Variants in ARMH4 observed in about 807,000 individuals in gnomAD.
ARMH4 encodes armadillo like helical domain containing 4.
Under a neutral mutation model 61.9 loss-of-function variants are expected in ARMH4, and 49 were observed. That is an observed-to-expected ratio of 0.79 (90% CI 0.63 to 1.00). The LOEUF (loss-of-function observed/expected upper bound fraction) is 1.00, where lower values mean the gene tolerates loss of function less well. ARMH4 is among the 50% of genes least tolerant of loss of function. ARMH4 has a pLI of 0.00. For missense variants in ARMH4, 934 were observed against 930.0 expected, an observed-to-expected ratio of 1.00 and a Z score of -0.06; for synonymous variants, 368 against 341.5, an observed-to-expected ratio of 1.08 and a Z score of -0.85.
intron 4 of ARMH4, among the ~76,000 whole-genome samples, chr14:58,128,835 T>C (rs1886988587): frequency 6.6e-6 from 1 of 152,198 alleles, no homozygotes; most frequent in Non-Finnish European, 1.5e-5. Context: ...GTAGTACCAG[T>C]GAATGTGACC....
chr14:58,060,046 C>T lies in ARMH4; in HGVS notation c.2089+36678G>A, dbSNP rs117583129. On this transcript the variant is annotated intron_variant, in intron 5 of 7. Transcript: ENST00000267485. ...AAACACAAAACCACCCTAGAACCTG[C>T]AAAAAGGAGAAATGCTTTCATGTCT... 3.0e-3 allele frequency among the ~76,000 whole-genome samples: 460 copies of T among 152,216 alleles called. 2 individuals carry two copies. The highest frequency in any genetic ancestry group is 5.3e-3 in the Non-Finnish European group (363 of 67,994).
In ARMH4 at chr14:58,045,200, C is replaced by T. The variant is rs577161978; in HGVS notation, c.2090-33050G>A. 2.6e-5 allele frequency among the ~76,000 whole-genome samples: 4 copies of T among 152,244 alleles called. No homozygotes were observed. The South Asian group carries it at 8.3e-4, about 32-fold the overall frequency. On this transcript the variant is annotated intron_variant, in intron 5 of 7. Coordinates refer to ENST00000267485, the MANE Select transcript of ARMH4 (RefSeq NM_001001872.4). ...TGGCACTACTCACAATAGCAAAGAC[C>T]TGGAACCAACCCAAATGTCCAATAA... is the stretch of plus-strand genomic sequence containing the variant.
intron 5 of ARMH4, among the ~76,000 whole-genome samples, chr14:58,058,444 T>G (rs906063685): frequency 6.6e-6 from 1 of 152,104 alleles, no homozygotes; most frequent in Non-Finnish European, 1.5e-5. Context: ...TTATGTTTAT[T>G]TCTTGATTAT....
intron 4 of ARMH4, among the ~76,000 whole-genome samples, chr14:58,097,398 G>A (rs754410066): frequency 6.6e-6 from 1 of 152,154 alleles, no homozygotes; most frequent in South Asian, 2.1e-4. Context: ...AATGTTAAAG[G>A]AGACAATTCA....
chr14:58,098,770 T>A (rs558799997), intron 4 of ARMH4, among the ~76,000 whole-genome samples: 37 of 148,554 alleles, frequency 2.5e-4, no homozygotes, highest in Non-Finnish European at 5.0e-4. Context: ...AGGGGCCAGA[T>A]CTGACTTTTT....
intron 5 of ARMH4, among the ~76,000 whole-genome samples, chr14:58,023,933 G>T (rs1172977108): frequency 6.6e-6 from 1 of 152,238 alleles, no homozygotes; most frequent in East Asian, 1.9e-4. Flanking sequence ...TCTCAACAGT[G>T]GGCTTAAGAT....
At chr14:58,019,277 T>C (rs183785902) in intron 5 of ARMH4, among the ~76,000 whole-genome samples, 56 of 152,346 alleles carry the variant, frequency 3.7e-4, no homozygotes, top group African/African-American at 1.3e-3. Context: ...ATGCTAAGTA[T>C]GTGAGGTAAG....
chr14:58,121,524 G>A (rs1166692806), intron 4 of ARMH4, among the ~76,000 whole-genome samples: 4 of 152,216 alleles, frequency 2.6e-5, no homozygotes, highest in African/African-American at 4.8e-5. Flanking sequence ...ACAGCTTTAT[G>A]GCAATACCTC....
chr14:58,013,888 G>A (rs555806572), intron 5 of ARMH4, among the ~76,000 whole-genome samples: 65 of 152,124 alleles, frequency 4.3e-4, no homozygotes, highest in African/African-American at 1.3e-3. Flanking sequence ...TTACCAAGGC[G>A]TGGTGGCAGA....
At chr14:58,104,363 T>C (rs1461707603) in intron 4 of ARMH4, among the ~76,000 whole-genome samples, 1 of 152,224 alleles carries the variant, frequency 6.6e-6, no homozygotes, top group African/African-American at 2.4e-5. Flanking sequence ...AAGCAACTTA[T>C]AAGATTTACT....
At position 58,001,148 on chromosome 14, in the gene ARMH4, G is replaced by C. The variant is rs1385593489; in HGVS notation, c.*3588C>G. The C allele has an allele frequency of 6.6e-6, 1 of 152,118 alleles. No homozygotes were observed. Among genetic ancestry groups the C allele is most frequent in the Non-Finnish European group, 1.5e-5 (1 of 68,022 alleles). 9.4% of individuals were successfully genotyped at this position (152,118 alleles called of 1,614,324 possible). A position where few individuals can be genotyped will look rare whatever the true frequency, so the allele number is the denominator to read the frequency against. On this transcript the variant is annotated 3_prime_UTR_variant, in exon 8 of 8. Coordinates refer to ENST00000267485, the MANE Select transcript of ARMH4 (RefSeq NM_001001872.4). ...ACTAGTTTATTTCACTTAGCATAAT[G>C]TTCTCCATGTATATCCATATTGTCA...
chr14:58,141,297 G>T, intron 1 of ARMH4: 1 of 389,368 alleles, frequency 2.6e-6, no homozygotes, highest in South Asian at 2.4e-5. Context: ...TCTTTGTGAA[G>T]ACCCTCACGG....
chr14:58,022,435 A>G (rs1215014324), intron 5 of ARMH4, among the ~76,000 whole-genome samples: 2 of 152,208 alleles, frequency 1.3e-5, no homozygotes, highest in African/African-American at 4.8e-5. Flanking sequence ...AGAGGTAGAC[A>G]TCTTTTGGGG....
intron 5 of ARMH4, among the ~76,000 whole-genome samples, chr14:58,057,878 A>T (rs1330903565): frequency 6.6e-6 from 1 of 152,148 alleles, no homozygotes; most frequent in Non-Finnish European, 1.5e-5. Flanking sequence ...AAGAGAGAGG[A>T]CCTTGCTAGA....
At chr14:58,046,993 G>A (rs1717267147) in intron 5 of ARMH4, among the ~76,000 whole-genome samples, 1 of 152,144 alleles carries the variant, frequency 6.6e-6, no homozygotes, top group Admixed American at 6.6e-5. Context: ...ACTAAAATGT[G>A]GCTATGTACT....
At position 58,138,051 on chromosome 14, in the gene ARMH4, G is replaced by A. The variant is rs1016990214; in HGVS notation, c.1308C>T (p.Thr436=). The A allele has an allele frequency of 3.7e-6, 6 of 1,613,792 alleles. No individual in the cohort carries two copies. The highest frequency in any genetic ancestry group is 5.1e-6 in the Non-Finnish European group (6 of 1,179,834). ...ACTCATATACAGAGACAGAAACAGTGGTTTCTAAGAAAAACAGGGCATCGT... is the reference window on the plus strand; with the variant it reads ...ACTCATATACAGAGACAGAAACAGTAGTTTCTAAGAAAAACAGGGCATCGT... The part of the protein sequence containing the change: ...KENDALFFLE[T]TVSVSVYESE... Residue 436 remains threonine, a synonymous_variant, in exon 2 of 8, where the codon ACC becomes ACT. Transcript: ENST00000267485.
intron 5 of ARMH4, among the ~76,000 whole-genome samples, chr14:58,040,582 G>A (rs1883656629): frequency 6.6e-6 from 1 of 152,128 alleles, no homozygotes; most frequent in East Asian, 1.9e-4. Context: ...CATTTAGGTG[G>A]CTTCCATGTC....
At chr14:58,145,378 C>T (rs948457213) in intron 1 of ARMH4, among the ~76,000 whole-genome samples, 3 of 152,138 alleles carry the variant, frequency 2.0e-5, no homozygotes, top group Non-Finnish European at 2.9e-5. Context: ...AATAAAAATA[C>T]AAATATTTCT....
intron 4 of ARMH4, among the ~76,000 whole-genome samples, chr14:58,121,722 CTTACCA>C (rs1230090050): frequency 6.6e-6 from 1 of 152,124 alleles, no homozygotes; most frequent in Non-Finnish European, 1.5e-5. Context: ...AACAAAATGA[CTTACCA>C]TAAGAGGCAA....
Sources: gnomAD v4.1 joint callset for allele counts (sites outside exome capture counted in the v4.1 genomes callset) on GRCh38, gnomAD v4.1.1 for gene constraint, MANE v1.5 for transcripts, NCBI Gene and HGNC (gene_info 2026-07-23, HGNC 2026-07-21) for gene names.